KIF16B: variants seen among roughly 807,000 people sequenced by gnomAD.
KIF16B encodes the protein kinesin-like protein KIF16B.
A neutral mutation model predicts 156.3 loss-of-function variants in KIF16B; 98 were observed. That is an observed-to-expected ratio of 0.63 (90% CI 0.53 to 0.74). The LOEUF (loss-of-function observed/expected upper bound fraction) is 0.74. KIF16B is among the 30% of genes least tolerant of loss of function. The probability of loss-of-function intolerance (pLI) is 0.00; values close to 1 mark genes in which losing one functional copy is unlikely to be tolerated. For synonymous variants in KIF16B, 564 were observed against 583.7 expected, an observed-to-expected ratio of 0.97 and a Z score of 0.49; for missense variants, 1,421 against 1,606.5, an observed-to-expected ratio of 0.88 and a Z score of 1.97.
chr20:16,334,455 T>C (rs1302302083), intron 24 of KIF16B, among the ~76,000 whole-genome samples: 2 of 152,240 alleles, frequency 1.3e-5, no homozygotes, highest in African/African-American at 4.8e-5. Context: ...AAGAAGCCTC[T>C]TGGGAACAAA....
intron 15 of KIF16B, among the ~76,000 whole-genome samples, chr20:16,416,591 G>A (rs4813220): frequency 0.11 from 16,463 of 151,866 alleles, 1,189 homozygotes; most frequent in East Asian, 0.3. Context: ...GGTGGGGTGC[G>A]GAGACCATCA....
At chr20:16,465,942 G>A (rs1021730765) in intron 12 of KIF16B, among the ~76,000 whole-genome samples, 1 of 152,100 alleles carries the variant, frequency 6.6e-6, no homozygotes, top group Non-Finnish European at 1.5e-5. Context: ...GCATGTGGTA[G>A]GCACAAAAAA....
intron 12 of KIF16B, among the ~76,000 whole-genome samples, chr20:16,477,123 TG>T (rs1047446481): frequency 6.6e-6 from 1 of 151,320 alleles, no homozygotes; most frequent in African/African-American, 2.4e-5. Context: ...AATCTAGCCC[TG>T]GGTCTACCTA....
chr20:16,307,611 G>C (rs532931187), intron 25 of KIF16B, among the ~76,000 whole-genome samples: 93 of 152,304 alleles, frequency 6.1e-4, no homozygotes, highest in African/African-American at 2.1e-3. Flanking sequence ...CCATGTTTCA[G>C]ACACTTTTAC....
intron 25 of KIF16B, among the ~76,000 whole-genome samples, chr20:16,289,379 C>T (rs1421507313): frequency 6.6e-6 from 1 of 152,136 alleles, no homozygotes; most frequent in African/African-American, 2.4e-5. Context: ...ATTTTCCCCT[C>T]TTTTAAATGT....
intron 17 of KIF16B, among the ~76,000 whole-genome samples, chr20:16,390,154 TG>T (rs1401687581): frequency 6.6e-6 from 1 of 152,202 alleles, no homozygotes; most frequent in Non-Finnish European, 1.5e-5. Context: ...ACTCTGGGAA[TG>T]GTTTTCTAAT....
chr20:16,316,348 G>C (rs906238874), intron 24 of KIF16B, among the ~76,000 whole-genome samples: 2 of 152,108 alleles, frequency 1.3e-5, no homozygotes, highest in Non-Finnish European at 2.9e-5. Context: ...ACAAAAACTA[G>C]AAGTATCTTA....
intron 25 of KIF16B, among the ~76,000 whole-genome samples, chr20:16,306,907 C>A (rs1035003137): frequency 1.3e-4 from 20 of 152,310 alleles, no homozygotes; most frequent in Non-Finnish European, 1.5e-4. Flanking sequence ...TTATTATCCT[C>A]ATTGTTCAGA....
At chr20:16,301,239 C>T (rs6034447) in intron 25 of KIF16B, among the ~76,000 whole-genome samples, 110,915 of 152,128 alleles carry the variant, frequency 0.73, 41,279 homozygotes, top group East Asian at 0.96. Flanking sequence ...ATTTACCTAC[C>T]AAAGGATATC....
intron 11 of KIF16B, among the ~76,000 whole-genome samples, chr20:16,494,968 G>A (rs1305945189): frequency 6.6e-6 from 1 of 152,162 alleles, no homozygotes; most frequent in African/African-American, 2.4e-5. Context: ...ACGCTCAACC[G>A]CTGAACACAG....
At chr20:16,319,370 C>T (rs1470308782) in intron 24 of KIF16B, among the ~76,000 whole-genome samples, 2 of 152,104 alleles carry the variant, frequency 1.3e-5, no homozygotes, top group Admixed American at 6.5e-5. Flanking sequence ...TTCTATTAAT[C>T]TAAAAGTATT....
chr20:16,439,415 C>T (rs34434477), intron 12 of KIF16B, among the ~76,000 whole-genome samples: 3,604 of 152,236 alleles, frequency 0.024, 55 homozygotes, highest in Non-Finnish European at 0.032. Context: ...CCATATCTCA[C>T]TTAATCTTGC....
chr20:16,352,722 G>A (rs1180295052), intron 23 of KIF16B, among the ~76,000 whole-genome samples: 5 of 152,230 alleles, frequency 3.3e-5, no homozygotes, highest in African/African-American at 7.2e-5. Flanking sequence ...GCAGAAGAGC[G>A]CAGGAAGCAG....
chr20:16,449,291 A>G (rs1038991795), intron 12 of KIF16B, among the ~76,000 whole-genome samples: 1 of 152,212 alleles, frequency 6.6e-6, no homozygotes, highest in Non-Finnish European at 1.5e-5. Flanking sequence ...TTTAAAAATA[A>G]AATTGTAAAT....
intron 12 of KIF16B, among the ~76,000 whole-genome samples, chr20:16,484,634 A>G (rs1468777124): frequency 6.6e-6 from 1 of 152,254 alleles, no homozygotes. Flanking sequence ...ATGTAAATGC[A>G]TTAGAAAAAG....
intron 25 of KIF16B, among the ~76,000 whole-genome samples, chr20:16,295,751 C>T (rs1236079132): frequency 2.0e-5 from 3 of 151,880 alleles, no homozygotes; most frequent in Non-Finnish European, 2.9e-5. Flanking sequence ...ACACACAGGA[C>T]GAGGAGTGTA....
intron 3 of KIF16B, among the ~76,000 whole-genome samples, chr20:16,521,319 A>G: frequency 6.6e-6 from 1 of 151,968 alleles, no homozygotes; most frequent in East Asian, 1.9e-4. Flanking sequence ...TTTGAGAAAA[A>G]CATAAATGAC....
rs75213889 is a variant in KIF16B, at chr20:16,273,265, G to A, written c.3942C>T (p.His1314=). 11 of 1,613,978 alleles carry A rather than the reference G, an allele frequency of 6.8e-6. No individual in the cohort carries two copies. The highest frequency in any genetic ancestry group is 2.7e-5 in the African/African-American group (2 of 75,044). The change falls in exon 26 of 26, where the codon CAC becomes CAT. Residue 1314 remains histidine, a synonymous_variant. Coordinates refer to ENST00000354981, the MANE Select transcript of KIF16B (RefSeq NM_024704.5). ...ATCACCCCTGGCTCTACCCCGTCCC[G>A]TGGCTGCTGTAGTCAAAGACTCCTT... ...FKKGVFDYSS[H]GTG
At chr20:16,464,542 A>G (rs1353448886) in intron 12 of KIF16B, among the ~76,000 whole-genome samples, 2 of 152,156 alleles carry the variant, frequency 1.3e-5, no homozygotes, top group Admixed American at 6.5e-5. Flanking sequence ...ATTCCATCTC[A>G]TGAAAACAAA....
Sources: allele counts gnomAD v4.1 joint callset (sites outside exome capture counted in the v4.1 genomes callset), GRCh38; gene constraint gnomAD v4.1.1; transcripts MANE v1.5; gene names NCBI Gene and HGNC (gene_info 2026-07-23, HGNC 2026-07-21).